SPMIP7: variants seen among roughly 807,000 people sequenced by gnomAD.
SPMIP7 encodes the protein sperm microtubule inner protein 7, also known as protein SPMIP7.
At chr7:50,103,230 T>G in the SPMIP7 span, among the ~76,000 whole-genome samples, 6 of 151,932 alleles carry the variant, frequency 3.9e-5, no homozygotes, top group Admixed American at 1.3e-4. Context: ...ATTTTAACTT[T>G]TAATTTTACA....
the SPMIP7 span, among the ~76,000 whole-genome samples, chr7:50,147,450 G>A: frequency 3.3e-5 from 5 of 152,176 alleles, no homozygotes; most frequent in African/African-American, 1.2e-4. Context: ...TAGGACCTAT[G>A]ACACAAGATT....
chr7:50,128,821 G>A, the SPMIP7 span, among the ~76,000 whole-genome samples: 4 of 151,916 alleles, frequency 2.6e-5, no homozygotes, highest in Admixed American at 2.6e-4. Context: ...GTTATGAATT[G>A]TTAAATCGAA....
At chr7:50,129,719 T>A in the SPMIP7 span, 1 of 1,543,560 alleles carries the variant, frequency 6.5e-7, no homozygotes, top group South Asian at 1.2e-5. Flanking sequence ...CCTTCTAGGA[T>A]GAAGGTGAAC....
chr7:50,134,027 C>G, the SPMIP7 span: 2 of 1,272,754 alleles, frequency 1.6e-6, no homozygotes, highest in Non-Finnish European at 2.1e-6. Context: ...TTCGGATTCT[C>G]TTATCATAGT....
chr7:50,098,299 T>C, the SPMIP7 span, among the ~76,000 whole-genome samples: 1 of 152,206 alleles, frequency 6.6e-6, no homozygotes, highest in Non-Finnish European at 1.5e-5. Context: ...CTTTATCATC[T>C]ACCAATTAAC....
At chr7:50,110,049 G>T in the SPMIP7 span, among the ~76,000 whole-genome samples, 1 of 152,030 alleles carries the variant, frequency 6.6e-6, no homozygotes. Context: ...TCTGGGAATT[G>T]AGGATCAATT....
the SPMIP7 span, among the ~76,000 whole-genome samples, chr7:50,126,312 C>A: frequency 1.3e-5 from 2 of 151,400 alleles, no homozygotes; most frequent in Non-Finnish European, 3.0e-5. Context: ...TGAATAAAAT[C>A]TTTAAAAATC....
chr7:50,137,279 TACATTATTTAATTTC>T, the SPMIP7 span, among the ~76,000 whole-genome samples: 35 of 152,320 alleles, frequency 2.3e-4, no homozygotes, highest in Non-Finnish European at 4.1e-4. Flanking sequence ...GAAAATAATT[TACATTATTTAATTTC>T]ACATTATTTA....
At chr7:50,105,222 T>C in the SPMIP7 span, among the ~76,000 whole-genome samples, 2 of 152,196 alleles carry the variant, frequency 1.3e-5, no homozygotes. Flanking sequence ...TTGAGATATA[T>C]GTCATGCATG....
the SPMIP7 span, chr7:50,159,253 G>T: frequency 3.5e-6 from 5 of 1,434,372 alleles, no homozygotes; most frequent in Non-Finnish European, 3.7e-6. Context: ...GCTTCTCCGC[G>T]CTGCGCAGTG....
the SPMIP7 span, among the ~76,000 whole-genome samples, chr7:50,123,484 T>G: frequency 1.4e-4 from 20 of 139,678 alleles, no homozygotes; most frequent in African/African-American, 5.3e-4. Flanking sequence ...GAGTTAGTGG[T>G]TGCAGCGCAC....
At chr7:50,138,996 T>C in the SPMIP7 span, among the ~76,000 whole-genome samples, 3 of 152,288 alleles carry the variant, frequency 2.0e-5, no homozygotes, top group African/African-American at 7.2e-5. Context: ...TACCCCACTA[T>C]AGACTCCAAC....
chr7:50,112,834 T>C, the SPMIP7 span, among the ~76,000 whole-genome samples: 3 of 151,924 alleles, frequency 2.0e-5, no homozygotes, highest in African/African-American at 7.3e-5. Context: ...AGCCAAGGAA[T>C]GTAGAATTTG....
the SPMIP7 span, chr7:50,136,207 T>G: frequency 1.5e-6 from 2 of 1,376,040 alleles, no homozygotes; most frequent in Non-Finnish European, 2.0e-6. Flanking sequence ...GGTTTCTCAC[T>G]ATCATGTTTT....
At chr7:50,101,117 C>T in the SPMIP7 span, among the ~76,000 whole-genome samples, 3 of 152,216 alleles carry the variant, frequency 2.0e-5, no homozygotes, top group African/African-American at 7.2e-5. Flanking sequence ...GTGTGCCTGC[C>T]ACTCTTACTG....
the SPMIP7 span, among the ~76,000 whole-genome samples, chr7:50,139,619 A>T: frequency 6.6e-6 from 1 of 152,204 alleles, no homozygotes; most frequent in African/African-American, 2.4e-5. Flanking sequence ...CTGGCAAATG[A>T]AAAGCTATGT....
At chr7:50,098,127 C>T in the SPMIP7 span, among the ~76,000 whole-genome samples, 1 of 53,124 alleles carries the variant, frequency 1.9e-5, no homozygotes, top group Non-Finnish European at 4.2e-5. Context: ...ACGGTCATTT[C>T]AGAATTAATT....
the SPMIP7 span, among the ~76,000 whole-genome samples, chr7:50,125,141 CAT>C: frequency 2.9e-4 from 10 of 34,264 alleles, no homozygotes; most frequent in African/African-American, 8.8e-4. Context: ...CACACACACA[CAT>C]ATACACACAT....
the SPMIP7 span, among the ~76,000 whole-genome samples, chr7:50,153,385 G>A: frequency 3.9e-5 from 6 of 152,204 alleles, no homozygotes; most frequent in African/African-American, 1.4e-4. Context: ...CCACCCAGCT[G>A]CTAATCCTTT....
Sources: allele counts gnomAD v4.1 joint callset (sites outside exome capture counted in the v4.1 genomes callset), GRCh38; gene constraint gnomAD v4.1.1; transcripts MANE v1.5; gene names NCBI Gene and HGNC (gene_info 2026-07-23, HGNC 2026-07-21).